Variants in MYOF observed in about 807,000 individuals in gnomAD.
MYOF encodes fer-1-like 3, myoferlin.
Under a neutral mutation model 284.2 loss-of-function variants are expected in MYOF, and 244 were observed. The observed-to-expected ratio is 0.86, with a 90% confidence interval of 0.77 to 0.95. The LOEUF is 0.95. Among genes scored for constraint, MYOF ranks in the 40% least tolerant of loss-of-function variants. The pLI is 0.00. For missense variants in MYOF, 2,496 were observed against 2,560.6 expected (o/e 0.97, Z 0.54); for synonymous variants, 904 against 919.7 (o/e 0.98, Z 0.31).
chr10:93,427,573 A>C (rs1848653803), intron 4 of MYOF, among the ~76,000 whole-genome samples: 1 of 151,556 alleles, frequency 6.6e-6, no homozygotes, highest in Admixed American at 6.6e-5. Context: ...AAACATGTAT[A>C]TAAAGTTGTG....
intron 46 of MYOF, 52 bp from the exon 47 acceptor site, chr10:93,323,410 A>C (rs1480458958): frequency 1.4e-6 from 2 of 1,452,458 alleles, no homozygotes; most frequent in African/African-American, 2.9e-5. Flanking sequence ...TGGGTAGCAG[A>C]AGTCACAATT....
chr10:93,426,216 A>G, intron 4 of MYOF, 58 bp from the exon 5 acceptor site: 1 of 1,512,852 alleles, frequency 6.6e-7, no homozygotes, highest in Non-Finnish European at 8.9e-7. Context: ...CATGTTATAG[A>G]CTCAATGCAA....
Position 93,379,900 on chromosome 10 carries a change from TC to T in MYOF, c.1963del (p.Asp655MetfsTer3). ...CATAGCTAGGAGAGTGTTCACCGCA[TC>T]CAGGCGATGACTAATATCCTCCCAG... ...SYWEDISHRL[D>X]AVNTLLAMAE... On this transcript the variant is annotated frameshift_variant, in exon 21 of 54. Transcript: ENST00000359263. LOFTEE classifies it high-confidence loss of function. 1 of 1,614,134 alleles carries T rather than the reference TC, an allele frequency of 6.2e-7. No individual in the cohort carries two copies. The highest frequency in any genetic ancestry group is 8.5e-7 in the Non-Finnish European group (1 of 1,179,994).
chr10:93,456,016 T>G (rs141387797), intron 2 of MYOF, among the ~76,000 whole-genome samples: 2 of 152,300 alleles, frequency 1.3e-5, no homozygotes, highest in Admixed American at 6.5e-5. Context: ...AAAATAGATA[T>G]AAGGTCGACA....
chr10:93,359,157 C>T (rs185357231), intron 29 of MYOF, among the ~76,000 whole-genome samples: 6 of 152,242 alleles, frequency 3.9e-5, no homozygotes, highest in Non-Finnish European at 7.3e-5. Context: ...GGACTTAGCC[C>T]GGGTTCCAGC....
chr10:93,431,791 G>T (rs1848887513), intron 3 of MYOF, among the ~76,000 whole-genome samples: 1 of 146,804 alleles, frequency 6.8e-6, no homozygotes, highest in Non-Finnish European at 1.5e-5. Flanking sequence ...TGTCACCCAG[G>T]CTGGAGTGCA....
chr10:93,452,864 A>C (rs2056633973), intron 2 of MYOF, among the ~76,000 whole-genome samples: 1 of 152,172 alleles, frequency 6.6e-6, no homozygotes, highest in Non-Finnish European at 1.5e-5. Context: ...AATGCCTCTC[A>C]TTTTAAGTTC....
Position 93,402,917 on chromosome 10 carries a change from C to T in MYOF, c.844-27G>A, listed in dbSNP as rs775960831. On this transcript the variant is annotated intron_variant, in intron 9 of 53. Transcript: ENST00000359263. ...TGGGAAAACAATAATCGAAAGTAGT[C>T]TAAGTAGATTTTAAAATCAGTCTAG... 3.0e-5 allele frequency: 48 copies of T among 1,592,778 alleles called. No individual in the cohort carries two copies. The South Asian group carries it at 5.2e-4, about 17-fold the overall frequency.
intron 16 of MYOF, among the ~76,000 whole-genome samples, chr10:93,393,320 T>A (rs1397629512): frequency 6.6e-6 from 1 of 152,132 alleles, no homozygotes; most frequent in Non-Finnish European, 1.5e-5. Context: ...CATCAGAAAA[T>A]CCAAGTAAAT....
At chr10:93,448,721 G>A (rs1216938379) in intron 3 of MYOF, among the ~76,000 whole-genome samples, 1 of 152,178 alleles carries the variant, frequency 6.6e-6, no homozygotes, top group Non-Finnish European at 1.5e-5. Flanking sequence ...GGAGCTGGGT[G>A]CAGTGGCTCA....
intron 1 of MYOF, among the ~76,000 whole-genome samples, chr10:93,476,897 T>C (rs1292467303): frequency 1.3e-5 from 2 of 152,094 alleles, no homozygotes; most frequent in Non-Finnish European, 2.9e-5. Context: ...ACAGTAGCAG[T>C]AGCCATTCCA....
In MYOF at chr10:93,355,715, C is replaced by T; in HGVS notation, c.3316G>A (p.Gly1106Arg). 6.2e-7 allele frequency: 1 copy of T among 1,613,070 alleles called. No individual in the cohort carries two copies. ...TGTTTCTCCAGGCTCTTCTCATCCCCATCTTCGGTAGTGTCTGCCCCCTGA... is the reference window on the plus strand; with the variant it reads ...TGTTTCTCCAGGCTCTTCTCATCCCTATCTTCGGTAGTGTCTGCCCCCTGA... The part of the protein sequence containing the change: ...GALGADTTED[G>R]DEKSLEKQKH... Residue 1106 changes from glycine (G) to arginine (R), a missense_variant, in exon 31 of 54, where the codon GGG (glycine) becomes AGG (arginine). Coordinates refer to ENST00000359263, the MANE Select transcript of MYOF (RefSeq NM_013451.4).
intron 45 of MYOF, among the ~76,000 whole-genome samples, chr10:93,326,315 A>AGAGGGTAAC (rs1413713350): frequency 6.6e-6 from 1 of 152,202 alleles, no homozygotes; most frequent in Non-Finnish European, 1.5e-5. Context: ...AAGTTCAGCC[A>AGAGGGTAAC]GAGGGTAACA....
chr10:93,383,988 T>C lies in MYOF; in HGVS notation c.1699-2592A>G, dbSNP rs1272959230. 7.2e-5 allele frequency among the ~76,000 whole-genome samples: 11 copies of C among 152,184 alleles called. No homozygotes were observed. The South Asian group carries it at 2.1e-3, about 29-fold the overall frequency. On this transcript the variant is annotated intron_variant, in intron 19 of 53. Coordinates refer to ENST00000359263, the MANE Select transcript of MYOF (RefSeq NM_013451.4). ...GCAAAATGACCCACAGAATCCCTGATAGGACCCTCACCCTGGAGAGTCTGA... is the reference window on the plus strand; with the variant it reads ...GCAAAATGACCCACAGAATCCCTGACAGGACCCTCACCCTGGAGAGTCTGA...
rs1394832497 is a variant in MYOF at position 93,351,312 on chromosome 10, G to C, written c.3823-17C>G. The C allele has an allele frequency of 6.2e-7, 1 of 1,610,878 alleles. No homozygotes were observed. Among genetic ancestry groups the C allele is most frequent in the African/African-American group, 1.3e-5 (1 of 74,824 alleles). On this transcript the variant is annotated splice_polypyrimidine_tract_variant and intron_variant, in intron 34 of 53. Transcript: ENST00000359263. ...GGAGCCATCCTGTGAAACAAACATGGATATGTCAATGCCTCACTTTAGTTC... is the reference window on the plus strand; with the variant it reads ...GGAGCCATCCTGTGAAACAAACATGCATATGTCAATGCCTCACTTTAGTTC...
At chr10:93,336,991 G>A (rs539980712) in intron 40 of MYOF, among the ~76,000 whole-genome samples, 98 of 151,942 alleles carry the variant, frequency 6.4e-4, no homozygotes, top group African/African-American at 1.9e-3. Context: ...CAGGCAGGAA[G>A]GGAAGAGGGA....
chr10:93,404,267 G>T, intron 7 of MYOF, 48 bp from the exon 8 acceptor site: 2 of 1,590,972 alleles, frequency 1.3e-6, no homozygotes, highest in Non-Finnish European at 1.7e-6. Context: ...GGGGATTCGG[G>T]TTAGGGGAAT....
intron 26 of MYOF, among the ~76,000 whole-genome samples, chr10:93,366,191 G>A (rs1319988894): frequency 1.3e-5 from 2 of 151,444 alleles, no homozygotes; most frequent in Non-Finnish European, 2.9e-5. Context: ...TTCTCAAAAT[G>A]TTAGTTACCA....
chr10:93,351,714 A>T lies in MYOF; in HGVS notation c.3614T>A (p.Leu1205Gln). 6.3e-7 allele frequency: 1 copy of T among 1,598,838 alleles called. No individual in the cohort carries two copies. Among genetic ancestry groups the T allele is most frequent in the Non-Finnish European group, 8.5e-7 (1 of 1,175,524 alleles). Residue 1205 changes from leucine to glutamine, a missense_variant, in exon 33 of 54, where the codon CTA becomes CAA. Leu to Gln is a moderately radical substitution (Grantham distance 113). Transcript: ENST00000359263. ...VEIYGEPQTV[L>Q]QNPPKVIMEL... ...CATGATAACTTTGGGTGGATTCTGT[A>T]GAACTGTTTGGGGTTCCCCATAGAT...
Sources: allele counts gnomAD v4.1 joint callset (sites outside exome capture counted in the v4.1 genomes callset), GRCh38; gene constraint gnomAD v4.1.1; transcripts MANE v1.5; gene names NCBI Gene and HGNC (gene_info 2026-07-23, HGNC 2026-07-21).